ATP10B: variants seen among roughly 807,000 people sequenced by gnomAD.
The protein encoded by ATP10B is ATPase phospholipid transporting 10B (putative), also known as phospholipid-transporting ATPase VB.
In ATP10B, 122 loss-of-function variants were observed where a neutral mutation model predicts 141.2. That is an observed-to-expected ratio of 0.86 (90% CI 0.75 to 1.00). The LOEUF (loss-of-function observed/expected upper bound fraction) is 1.00. Among genes scored for constraint, ATP10B ranks in the 50% least tolerant of loss-of-function variants. The probability of loss-of-function intolerance (pLI) is 0.00; values close to 1 mark genes in which losing one functional copy is unlikely to be tolerated. For missense variants in ATP10B, 1,876 were observed against 1,825.3 expected (o/e 1.03, Z -0.51); for synonymous variants, 685 against 692.0 (o/e 0.99, Z 0.16).
intron 2 of ATP10B, among the ~76,000 whole-genome samples, chr5:160,764,666 C>T (rs1172885462): frequency 1.3e-5 from 2 of 152,100 alleles, no homozygotes; most frequent in Admixed American, 1.3e-4. Flanking sequence ...GACAAGAATA[C>T]CCACTTTTGC....
chr5:160,675,719 C>A (rs1762984637), intron 6 of ATP10B, among the ~76,000 whole-genome samples: 1 of 152,222 alleles, frequency 6.6e-6, no homozygotes, highest in African/African-American at 2.4e-5. Flanking sequence ...AGAGTGACTG[C>A]AGCATAGGGA....
At chr5:160,580,750 T>A (rs1755493316) in intron 24 of ATP10B, among the ~76,000 whole-genome samples, 1 of 152,230 alleles carries the variant, frequency 6.6e-6, no homozygotes, top group African/African-American at 2.4e-5. Flanking sequence ...CTCCTCTTTG[T>A]ACCTCTGGTA....
intron 20 of ATP10B, 104 bp from the exon 21 acceptor site, chr5:160,602,806 G>T: frequency 6.6e-7 from 1 of 1,505,096 alleles, no homozygotes; most frequent in Non-Finnish European, 9.1e-7. Flanking sequence ...GGCCAGCAGA[G>T]TCCTAAAGAC....
At chr5:160,914,968 G>T in the ATP10B span, among the ~76,000 whole-genome samples, 2 of 152,270 alleles carry the variant, frequency 1.3e-5, no homozygotes, top group African/African-American at 2.4e-5. Context: ...TTCACTTAAG[G>T]CTGGAGCAGC....
intron 1 of ATP10B, among the ~76,000 whole-genome samples, chr5:160,813,647 G>A (rs145961768): frequency 0.018 from 2,773 of 152,320 alleles, 88 homozygotes; most frequent in African/African-American, 0.064. Flanking sequence ...TGTTCTCCCA[G>A]CACGCAGCTG....
chr5:160,743,223 AAT>A (rs1767592992), intron 2 of ATP10B, among the ~76,000 whole-genome samples: 1 of 152,214 alleles, frequency 6.6e-6, no homozygotes, highest in South Asian at 2.1e-4. Context: ...CCAGGATTCA[AAT>A]ATAGGCTGTG....
intron 22 of ATP10B, among the ~76,000 whole-genome samples, chr5:160,597,755 C>G (rs2127620240): frequency 6.6e-6 from 1 of 152,260 alleles, no homozygotes; most frequent in African/African-American, 2.4e-5. Flanking sequence ...AGATACTTCT[C>G]AAAAGAAGAC....
At chr5:160,802,075 A>T (rs1484896426) in intron 1 of ATP10B, among the ~76,000 whole-genome samples, 3 of 152,150 alleles carry the variant, frequency 2.0e-5, no homozygotes, top group Non-Finnish European at 2.9e-5. Context: ...GTTGGTTGAG[A>T]CGTTGAAGGG....
At chr5:160,766,148 T>C (rs543804605) in intron 2 of ATP10B, among the ~76,000 whole-genome samples, 9 of 89,484 alleles carry the variant, frequency 1.0e-4, no homozygotes, top group African/African-American at 4.5e-4. Context: ...AGTATGGAGA[T>C]TCCTTAAAGA....
At chr5:160,652,879 A>G (rs1312219258) in intron 7 of ATP10B, among the ~76,000 whole-genome samples, 5 of 85,932 alleles carry the variant, frequency 5.8e-5, no homozygotes, top group Non-Finnish European at 8.1e-5. Flanking sequence ...TATATATAAT[A>G]TATATATAAT....
intron 13 of ATP10B, among the ~76,000 whole-genome samples, chr5:160,626,479 G>T (rs1007772621): frequency 6.6e-6 from 1 of 152,188 alleles, no homozygotes; most frequent in African/African-American, 2.4e-5. Flanking sequence ...TATGAAACAA[G>T]CGAGGCTCAT....
chr5:160,629,189 G>T (rs1195289459), intron 13 of ATP10B, among the ~76,000 whole-genome samples: 1 of 152,124 alleles, frequency 6.6e-6, no homozygotes, highest in Non-Finnish European at 1.5e-5. Flanking sequence ...GCAGGTGGAA[G>T]GGGACAAGTG....
chr5:160,745,747 T>C (rs145239195), intron 2 of ATP10B, among the ~76,000 whole-genome samples: 69 of 152,328 alleles, frequency 4.5e-4, no homozygotes, highest in African/African-American at 1.3e-3. Flanking sequence ...ATCTCAACCA[T>C]GGTTCAGAGA....
chr5:160,850,132 A>AGGTGC (rs1399371039), intron 1 of ATP10B, among the ~76,000 whole-genome samples: 1 of 152,066 alleles, frequency 6.6e-6, no homozygotes, highest in Non-Finnish European at 1.5e-5. Context: ...ACACTGGGCC[A>AGGTGC]GGTGCGGTGC....
chr5:160,689,707 C>G (rs1291682592), intron 3 of ATP10B, among the ~76,000 whole-genome samples: 1 of 150,750 alleles, frequency 6.6e-6, no homozygotes, highest in African/African-American at 2.4e-5. Flanking sequence ...CTACAAACCA[C>G]TGGTCACACA....
intron 6 of ATP10B, chr5:160,685,465 C>G (rs574598876): frequency 2.9e-6 from 1 of 348,824 alleles, no homozygotes; most frequent in Non-Finnish European, 5.1e-6. Context: ...CTACAGGTGT[C>G]TTCCTTTTCC....
chr5:160,634,668 A>G (rs1232596442), intron 11 of ATP10B, 62 bp from the exon 12 acceptor site: 8 of 1,518,256 alleles, frequency 5.3e-6, no homozygotes, highest in Non-Finnish European at 2.6e-6. Context: ...TGGGATCCTC[A>G]CTAGCAGGTA....
rs926197083 is a variant in ATP10B, at chr5:160,818,134, C to A, written c.-575-32331G>T. On this transcript the variant is annotated intron_variant, in intron 1 of 25. Coordinates refer to ENST00000327245, the MANE Select transcript of ATP10B (RefSeq NM_025153.3). ...ACACCAAAAGCAATGGCAACAAAAG[C>A]CAAAATTGACAAATGGGATCTAATT... is the stretch of plus-strand genomic sequence containing the variant. Among the ~76,000 whole-genome samples the A allele has an allele frequency of 3.9e-4, 59 of 152,192 alleles. 1 individual carries two copies. The highest frequency in any genetic ancestry group is 6.5e-4 in the Non-Finnish European group (44 of 67,988).
chr5:160,783,920 G>A (rs1025836227), intron 2 of ATP10B, among the ~76,000 whole-genome samples: 1 of 151,922 alleles, frequency 6.6e-6, no homozygotes, highest in South Asian at 2.1e-4. Flanking sequence ...TTTTGATTAT[G>A]GCCATTCTTG....
Sources: allele counts gnomAD v4.1 joint callset (sites outside exome capture counted in the v4.1 genomes callset), GRCh38; gene constraint gnomAD v4.1.1; transcripts MANE v1.5; gene names NCBI Gene and HGNC (gene_info 2026-07-23, HGNC 2026-07-21).